Variants in RARB observed in about 807,000 individuals in gnomAD.
RARB encodes the protein HBV-activated protein.
A neutral mutation model predicts 51.9 loss-of-function variants in RARB; 17 were observed. That is an observed-to-expected ratio of 0.33 (90% CI 0.22 to 0.49). The LOEUF (loss-of-function observed/expected upper bound fraction) is 0.49, where lower values mean the gene tolerates loss of function less well. Ranked by LOEUF, RARB falls within the 20% of genes least tolerant of loss-of-function variation. The pLI is 0.99. For missense variants in RARB, 369 were observed against 550.8 expected, an observed-to-expected ratio of 0.67 and a Z score of 3.30; for synonymous variants, 215 against 195.4, an observed-to-expected ratio of 1.10 and a Z score of -0.84.
At chr3:25,130,958 A>G (rs62230307) in intron 3 of RARB, among the ~76,000 whole-genome samples, 5 of 58,092 alleles carry the variant, frequency 8.6e-5, no homozygotes, top group Non-Finnish European at 1.7e-4. Flanking sequence ...TATTATTGAT[A>G]ATATTATCAA....
chr3:24,879,503 T>TC (rs1553610187), intron 2 of RARB, among the ~76,000 whole-genome samples: 3 of 149,642 alleles, frequency 2.0e-5, no homozygotes, highest in Non-Finnish European at 3.0e-5. Flanking sequence ...TTTTTTTTTT[T>TC]CTTAACCTGG....
intron 2 of RARB, among the ~76,000 whole-genome samples, chr3:24,983,355 A>G (rs912234951): frequency 6.6e-6 from 1 of 151,836 alleles, no homozygotes; most frequent in African/African-American, 2.4e-5. Flanking sequence ...TTTTATGGTA[A>G]GACTTTTTAT....
intron 1 of RARB, among the ~76,000 whole-genome samples, chr3:25,456,164 C>G (rs1044654516): frequency 6.6e-6 from 1 of 152,210 alleles, no homozygotes; most frequent in African/African-American, 2.4e-5. Context: ...TTTGAGGCCT[C>G]TCAAGGGCAT....
At chr3:25,303,740 A>G (rs1704092980) in intron 5 of RARB, among the ~76,000 whole-genome samples, 1 of 152,104 alleles carries the variant, frequency 6.6e-6, no homozygotes, top group South Asian at 2.1e-4. Context: ...TACCACAATC[A>G]CTGGAGGCAT....
At chr3:25,178,098 G>T (rs1159619148) in intron 5 of RARB, among the ~76,000 whole-genome samples, 2 of 151,924 alleles carry the variant, frequency 1.3e-5, no homozygotes, top group Non-Finnish European at 2.9e-5. Flanking sequence ...ATGATCATTT[G>T]TGACCACTCA....
intron 5 of RARB, among the ~76,000 whole-genome samples, chr3:25,303,580 C>T (rs1704090044): frequency 6.6e-6 from 1 of 152,102 alleles, no homozygotes; most frequent in African/African-American, 2.4e-5. Flanking sequence ...GGGCAGATAC[C>T]AGCAGACATT....
intron 2 of RARB, among the ~76,000 whole-genome samples, chr3:24,962,417 T>C (rs1696161130): frequency 6.6e-6 from 1 of 152,154 alleles, no homozygotes; most frequent in Non-Finnish European, 1.5e-5. Flanking sequence ...CAATCAGATA[T>C]GTCTCAAGGC....
At chr3:24,887,344 G>T (rs1375169147) in intron 2 of RARB, among the ~76,000 whole-genome samples, 1 of 152,178 alleles carries the variant, frequency 6.6e-6, no homozygotes, top group Non-Finnish European at 1.5e-5. Flanking sequence ...GTAAATTTTG[G>T]CTGAGGCCGA....
intron 3 of RARB, among the ~76,000 whole-genome samples, chr3:25,131,679 T>G (rs1369705139): frequency 6.6e-6 from 1 of 151,896 alleles, no homozygotes; most frequent in Non-Finnish European, 1.5e-5. Context: ...AGGAAATATA[T>G]CAAGGCGGAG....
At chr3:25,448,120 CAG>C (rs1290581783) in intron 1 of RARB, among the ~76,000 whole-genome samples, 1 of 151,702 alleles carries the variant, frequency 6.6e-6, no homozygotes, top group African/African-American at 2.4e-5. Flanking sequence ...GTCACACAGC[CAG>C]TAAGTAGGAG....
chr3:25,257,521 G>A (rs974739693), intron 5 of RARB, among the ~76,000 whole-genome samples: 1 of 152,060 alleles, frequency 6.6e-6, no homozygotes, highest in Non-Finnish European at 1.5e-5. Flanking sequence ...TGGAACTAGG[G>A]TGGGGCAGGT....
chr3:24,929,035 T>C (rs910522545), intron 2 of RARB, among the ~76,000 whole-genome samples: 11 of 152,056 alleles, frequency 7.2e-5, no homozygotes, highest in African/African-American at 2.4e-4. Context: ...GAAATGTCTA[T>C]TGTGTTTTAA....
At chr3:25,497,721 C>G (rs1381401236) in intron 2 of RARB, among the ~76,000 whole-genome samples, 4 of 152,204 alleles carry the variant, frequency 2.6e-5, no homozygotes, top group African/African-American at 9.6e-5. Flanking sequence ...GCTACCTCCA[C>G]TCTCTCCTCT....
At chr3:24,924,029 A>G (rs969134733) in intron 2 of RARB, among the ~76,000 whole-genome samples, 3 of 152,162 alleles carry the variant, frequency 2.0e-5, no homozygotes, top group African/African-American at 7.2e-5. Flanking sequence ...CAAGTATGCA[A>G]TTTAGTGACC....
In RARB at chr3:24,973,119, T is replaced by A. The variant is rs116498518; in HGVS notation, c.-379-87006T>A. Among the ~76,000 whole-genome samples the A allele has an allele frequency of 3.3e-3, 506 of 152,192 alleles. 2 individuals carry two copies. Among genetic ancestry groups the A allele is most frequent in the African/African-American group, 0.012 (485 of 41,560 alleles). On this transcript the variant is annotated intron_variant, in intron 2 of 11. Coordinates refer to the RARB transcript ENST00000383772. Reference sequence around the variant, plus strand: ...AGTTTCATAGTTTGAGGTCTTAGATTTAAGTGTTCAATCCATTTTTATTTG... The same window carrying A: ...AGTTTCATAGTTTGAGGTCTTAGATATAAGTGTTCAATCCATTTTTATTTG...
intron 5 of RARB, among the ~76,000 whole-genome samples, chr3:25,416,302 T>C (rs146274187): frequency 6.6e-6 from 1 of 152,138 alleles, no homozygotes; most frequent in Non-Finnish European, 1.5e-5. Flanking sequence ...GGCGGGAGGA[T>C]CGCTTGAGCC....
chr3:25,337,336 A>T (rs1575322819), intron 5 of RARB, among the ~76,000 whole-genome samples: 1 of 152,208 alleles, frequency 6.6e-6, no homozygotes, highest in African/African-American at 2.4e-5. Context: ...CAGAATCCTA[A>T]TCACAACCAT....
At chr3:25,227,685 A>C (rs894474838) in intron 5 of RARB, among the ~76,000 whole-genome samples, 2 of 151,964 alleles carry the variant, frequency 1.3e-5, no homozygotes, top group South Asian at 4.1e-4. Flanking sequence ...TGGCATTTAT[A>C]CTCTTTTATT....
At chr3:24,957,296 C>G (rs1669179291) in intron 2 of RARB, among the ~76,000 whole-genome samples, 1 of 152,154 alleles carries the variant, frequency 6.6e-6, no homozygotes, top group Admixed American at 6.5e-5. Flanking sequence ...CTAGAATGAC[C>G]CCCAAAGTAT....
Sources: allele counts gnomAD v4.1 joint callset (sites outside exome capture counted in the v4.1 genomes callset), GRCh38; gene constraint gnomAD v4.1.1; transcripts MANE v1.5; gene names NCBI Gene and HGNC (gene_info 2026-07-23, HGNC 2026-07-21).